Variants in VPS13C observed in about 807,000 individuals in gnomAD.
The protein encoded by VPS13C is vacuolar protein sorting 13 homolog C, also known as intermembrane lipid transfer protein VPS13C.
Under a neutral mutation model 456.8 loss-of-function variants are expected in VPS13C, and 358 were observed. The observed-to-expected ratio is 0.78, with a 90% CI of 0.72 to 0.86. VPS13C has a LOEUF of 0.86. VPS13C is among the 40% of genes least tolerant of loss of function. VPS13C has a pLI of 0.00. For missense variants in VPS13C, 4,818 were observed against 4,385.4 expected (o/e 1.10, Z -2.79); for synonymous variants, 1,578 against 1,486.7 (o/e 1.06, Z -1.41).
intron 80 of VPS13C, among the ~76,000 whole-genome samples, chr15:61,869,116 CTTT>C (rs68084709): frequency 3.0e-5 from 4 of 131,302 alleles, no homozygotes; most frequent in African/African-American, 9.0e-5. Flanking sequence ...TTTCTTTTTT[CTTT>C]TTTTTTTTTT....
At position 61,867,334 on chromosome 15, in the gene VPS13C, T is replaced by C; in HGVS notation, c.10863+1325A>G. ...TTAGCAACAGTACCAAGGGGTTAAATAGGAAAAAGAGGGAAGAGGAAACAT... is the reference window on the plus strand; with the variant it reads ...TTAGCAACAGTACCAAGGGGTTAAACAGGAAAAAGAGGGAAGAGGAAACAT... On this transcript the variant is annotated intron_variant, in intron 81 of 84. Coordinates refer to ENST00000644861, the MANE Select transcript of VPS13C (RefSeq NM_020821.3). This position sits in a 1 kb window ranked among gnomAD's most constrained non-coding sequence, Gnocchi z 5.0. 1.3e-5 allele frequency: 13 copies of C among 985,232 alleles called. No homozygotes were observed. Among genetic ancestry groups the C allele is most frequent in the Non-Finnish European group, 1.6e-5 (13 of 829,804 alleles). 61.0% of individuals were successfully genotyped at this position (985,232 alleles called of 1,614,324 possible).
chr15:62,033,354 A>G lies in VPS13C; in HGVS notation c.385+87T>C, dbSNP rs572573836. ...TATGTCTTTAGAACTTCAACTTATGAAGGCTTACAAAAGCATCCTCTTTAA... is the reference window on the plus strand; with the variant it reads ...TATGTCTTTAGAACTTCAACTTATGGAGGCTTACAAAAGCATCCTCTTTAA... On this transcript the variant is annotated intron_variant, in intron 5 of 84. Coordinates refer to ENST00000644861, the MANE Select transcript of VPS13C (RefSeq NM_020821.3). 8.0e-5 allele frequency: 61 copies of G among 763,314 alleles called. No individual in the cohort carries two copies. In the African/African-American group the frequency reaches 8.6e-4, roughly 11 times the overall value. 47.3% of individuals were successfully genotyped at this position (763,314 alleles called of 1,614,324 possible). A position where few individuals can be genotyped will look rare whatever the true frequency, so the allele number is the denominator to read the frequency against.
intron 1 of VPS13C, among the ~76,000 whole-genome samples, chr15:62,048,069 GT>G (rs545982740): frequency 0.1 from 13,529 of 134,156 alleles, 1,370 homozygotes; most frequent in African/African-American, 0.27. Flanking sequence ...TGGTTTTTTG[GT>G]TTTTTTTTTT....
chr15:61,901,957 T>C (rs1407331823), intron 66 of VPS13C, among the ~76,000 whole-genome samples: 1 of 151,944 alleles, frequency 6.6e-6, no homozygotes, highest in African/African-American at 2.4e-5. Context: ...TTCATGTCCT[T>C]TGTAGGGACA....
At chr15:61,854,786 G>A (rs62007357) in intron 84 of VPS13C, 85 bp downstream of exon 84, 16,381 of 1,247,028 alleles carry the variant, frequency 0.013, 134 homozygotes, top group Non-Finnish European at 0.015. Context: ...AGAGCTTTGG[G>A]AGAAATAATG....
intron 83 of VPS13C, among the ~76,000 whole-genome samples, chr15:61,855,741 G>C (rs998505880): frequency 6.6e-6 from 1 of 151,786 alleles, no homozygotes; most frequent in African/African-American, 2.4e-5. Flanking sequence ...TTTTTTAAAG[G>C]CATGAAAATA....
intron 58 of VPS13C, 137 bp downstream of exon 58, chr15:61,919,152 A>G (rs2043566300): frequency 1.2e-6 from 1 of 828,808 alleles, no homozygotes; most frequent in Non-Finnish European, 1.7e-6. Flanking sequence ...GTTACTATTT[A>G]TTTCTGAATA....
intron 9 of VPS13C, 93 bp from the exon 10 acceptor site, chr15:62,014,085 G>A: frequency 3.6e-6 from 3 of 833,216 alleles, no homozygotes; most frequent in Non-Finnish European, 5.5e-6. Context: ...AATTTAGGAA[G>A]AAATGACATC....
rs1447383324 is a variant in VPS13C at position 61,961,755 on chromosome 15, G to A, written c.3742C>T (p.Pro1248Ser). 2 of 1,613,938 alleles carry A rather than the reference G, an allele frequency of 1.2e-6. No individual in the cohort carries two copies. The highest frequency in any genetic ancestry group is 2.2e-5 in the South Asian group (2 of 91,076). Residue 1248 changes from proline (P) to serine (S), a missense_variant, in exon 35 of 85, where the codon CCG becomes TCG. Pro to Ser is a moderately conservative substitution (Grantham distance 74). Around this residue, in one of 3 missense-constraint regions of VPS13C, gnomAD observed 4,552 missense variants for 4,130.6 expected, o/e 1.10. Coordinates refer to ENST00000644861, the MANE Select transcript of VPS13C (RefSeq NM_020821.3). Reference sequence around the variant, plus strand: ...GAAGACTGTGGGATGACTATAACCGGTGCTTTCAAATCAATATTGATGGAA... The same window carrying A: ...GAAGACTGTGGGATGACTATAACCGATGCTTTCAAATCAATATTGATGGAA... ...RVSINIDLKA[P>S]VIVIPQSSIS...
intron 18 of VPS13C, among the ~76,000 whole-genome samples, chr15:61,986,433 G>C (rs2046057305): frequency 6.6e-6 from 1 of 152,252 alleles, no homozygotes; most frequent in South Asian, 2.1e-4. Flanking sequence ...GAGAGAATTA[G>C]AGGAAACTAA....
At chr15:62,042,436 C>G (rs1227715097) in intron 2 of VPS13C, among the ~76,000 whole-genome samples, 1 of 151,940 alleles carries the variant, frequency 6.6e-6, no homozygotes, top group Non-Finnish European at 1.5e-5. Context: ...ATCAATTTAC[C>G]TAATCATCTG....
chr15:61,945,992 T>G (rs2044592993), intron 44 of VPS13C, 110 bp from the exon 45 acceptor site: 1 of 963,426 alleles, frequency 1.0e-6, no homozygotes. Context: ...TAGAAATATA[T>G]GAATTCAACA....
intron 33 of VPS13C, 46 bp from the exon 34 acceptor site, chr15:61,962,584 C>G (rs779082016): frequency 2.6e-6 from 4 of 1,524,914 alleles, no homozygotes; most frequent in Non-Finnish European, 2.6e-6. Context: ...AAGGTAATGA[C>G]AAAATAAAAT....
rs146595986 is a variant in VPS13C, at chr15:61,893,668, T to C, written c.9106-3268A>G. 6.1e-3 allele frequency among the ~76,000 whole-genome samples: 916 copies of C among 150,274 alleles called. 8 individuals are homozygous for C. The highest frequency in any genetic ancestry group is 8.5e-3 in the Non-Finnish European group (575 of 67,584). On this transcript the variant is annotated intron_variant, in intron 66 of 84. Coordinates refer to ENST00000644861, the MANE Select transcript of VPS13C (RefSeq NM_020821.3). ...AAGACAAATCTATCAAAAATAATAA[T>C]AATTACAACAACCTCTTAATAGGCA...
chr15:61,971,151 C>A (rs1193317573), intron 27 of VPS13C, among the ~76,000 whole-genome samples: 4 of 152,100 alleles, frequency 2.6e-5, no homozygotes, highest in Non-Finnish European at 5.9e-5. Context: ...AAATGTAAGG[C>A]CTTGTAGGCC....
intron 1 of VPS13C, among the ~76,000 whole-genome samples, chr15:62,055,518 G>T (rs1440787092): frequency 6.6e-6 from 1 of 151,558 alleles, no homozygotes; most frequent in Non-Finnish European, 1.5e-5. Context: ...TGGGATTACA[G>T]GTGTGAGCCA....
intron 42 of VPS13C, 70 bp from the exon 43 acceptor site, chr15:61,947,379 T>G: frequency 8.6e-7 from 1 of 1,164,118 alleles, no homozygotes; most frequent in Non-Finnish European, 1.2e-6. Flanking sequence ...TAACCTCAAA[T>G]CCACCAAAAT....
At chr15:61,961,117 G>A (rs1417235007) in intron 35 of VPS13C, among the ~76,000 whole-genome samples, 5 of 151,252 alleles carry the variant, frequency 3.3e-5, no homozygotes, top group Admixed American at 6.6e-5. Context: ...GGCCAGGCGC[G>A]GTGGCTCACA....
intron 49 of VPS13C, 45 bp from the exon 50 acceptor site, chr15:61,931,304 TTA>T: frequency 6.6e-7 from 1 of 1,505,430 alleles, no homozygotes; most frequent in Non-Finnish European, 8.9e-7. Context: ...CCTTTAAATA[TTA>T]TATAATTACT....
Sources: allele counts gnomAD v4.1 joint callset (sites outside exome capture counted in the v4.1 genomes callset), GRCh38; gene constraint gnomAD v4.1.1; regional missense constraint gnomAD v4.1.1; non-coding constraint Gnocchi (gnomAD v3.1); transcripts MANE v1.5; gene names NCBI Gene and HGNC (gene_info 2026-07-23, HGNC 2026-07-21).